TRPC6: variants seen among roughly 807,000 people sequenced by gnomAD.
TRPC6 encodes the protein short transient receptor potential channel 6.
Under a neutral mutation model 90.7 loss-of-function variants are expected in TRPC6, and 55 were observed. That is an observed-to-expected ratio of 0.61 (90% CI 0.49 to 0.76). The LOEUF is 0.76. Ranked by LOEUF, TRPC6 falls within the 30% of genes least tolerant of loss-of-function variation. The probability of loss-of-function intolerance (pLI) is 0.00; values close to 1 mark genes in which losing one functional copy is unlikely to be tolerated. For synonymous variants in TRPC6, 393 were observed against 393.0 expected (o/e 1.00, Z 0.00); for missense variants, 989 against 1,122.7 (o/e 0.88, Z 1.70).
chr11:101,525,353 G>C (rs759052562), intron 1 of TRPC6, among the ~76,000 whole-genome samples: 1 of 152,186 alleles, frequency 6.6e-6, no homozygotes. Context: ...TACCAACTGT[G>C]TGGTTTTATT....
rs1861605939 is a variant in TRPC6 at position 101,558,196 on chromosome 11, T to C, written c.170+25138A>G. Among the ~76,000 whole-genome samples the C allele has an allele frequency of 1.7e-5, 2 of 119,578 alleles. 1 individual carries two copies. Among genetic ancestry groups the C allele is most frequent in the Non-Finnish European group, 3.3e-5 (2 of 60,266 alleles). The allele number at this position is 119,578 out of a possible 152,430, so 78.4% of individuals were successfully genotyped here. A position where few individuals can be genotyped will look rare whatever the true frequency, so the allele number is the denominator to read the frequency against. On this transcript the variant is annotated intron_variant, in intron 1 of 12. Coordinates refer to ENST00000344327, the MANE Select transcript of TRPC6 (RefSeq NM_004621.6). ...ACAAATATATATAAACATACATATA[T>C]ATGTGTGTGTATACATGTATATATG... is the stretch of plus-strand genomic sequence containing the variant.
intron 1 of TRPC6, among the ~76,000 whole-genome samples, chr11:101,562,812 T>C (rs909508833): frequency 2.0e-5 from 3 of 152,194 alleles, no homozygotes; most frequent in African/African-American, 7.2e-5. Context: ...GCTCTCCGAA[T>C]TACCTACGTG....
At position 101,583,494 on chromosome 11, in the gene TRPC6, T is replaced by C; in HGVS notation, c.10A>G (p.Ser4Gly). Residue 4 changes from serine (S) to glycine (G), a missense_variant, in exon 1 of 13, where the codon AGC becomes GGC. Ser to Gly is a moderately conservative substitution (Grantham distance 56). Coordinates refer to ENST00000344327, the MANE Select transcript of TRPC6 (RefSeq NM_004621.6). The part of the protein sequence containing the change: MSQ[S>G]PAFGPRRGSS... Reference sequence around the variant, plus strand: ...CCCCTCCGGGGCCCGAACGCCGGGCTCTGGCTCATGGCGGGAACGCCCGAC... The same window carrying C: ...CCCCTCCGGGGCCCGAACGCCGGGCCCTGGCTCATGGCGGGAACGCCCGAC... 6.7e-7 allele frequency: 1 copy of C among 1,495,008 alleles called. No individual in the cohort carries two copies. The highest frequency in any genetic ancestry group is 8.9e-7 in the Non-Finnish European group (1 of 1,121,698). The allele number at this position is 1,495,008 out of a possible 1,614,324, so 92.6% of individuals were successfully genotyped here.
intron 1 of TRPC6, among the ~76,000 whole-genome samples, chr11:101,538,578 G>T (rs1861104731): frequency 6.6e-6 from 1 of 152,126 alleles, no homozygotes; most frequent in Non-Finnish European, 1.5e-5. Flanking sequence ...TGTAATTAAG[G>T]TTATAGACTA....
intron 1 of TRPC6, among the ~76,000 whole-genome samples, chr11:101,529,093 A>C (rs1345399572): frequency 6.6e-6 from 1 of 152,166 alleles, no homozygotes; most frequent in Non-Finnish European, 1.5e-5. Flanking sequence ...ACATACTTTA[A>C]ATAAAGACTT....
intron 1 of TRPC6, among the ~76,000 whole-genome samples, chr11:101,569,664 C>A (rs1226141412): frequency 1.3e-5 from 2 of 152,044 alleles, no homozygotes; most frequent in Non-Finnish European, 2.9e-5. Flanking sequence ...TCATAACAAA[C>A]AAGTCTCTCA....
chr11:101,452,624 T>TTA lies in TRPC6; in HGVS notation c.*330_*331insTA, dbSNP rs2136634199. On this transcript the variant is annotated 3_prime_UTR_variant, in exon 13 of 13. Transcript: ENST00000344327. ...AAAACCGCATGGGGAGTAACGTGGG[T>TTA]CAGCCCCTGTCCGCTGGGACCCATT... is the stretch of plus-strand genomic sequence containing the variant. The TTA allele has an allele frequency of 3.7e-6, 1 of 272,966 alleles. No homozygotes were observed. Among genetic ancestry groups the TTA allele is most frequent in the Admixed American group, 4.9e-5 (1 of 20,604 alleles). 16.9% of individuals were successfully genotyped at this position (272,966 alleles called of 1,614,324 possible). A position where few individuals can be genotyped will look rare whatever the true frequency, so the allele number is the denominator to read the frequency against.
chr11:101,483,202 G>T (rs1461219762), intron 4 of TRPC6, 37 bp from the exon 5 acceptor site: 1 of 1,609,632 alleles, frequency 6.2e-7, no homozygotes, highest in East Asian at 2.2e-5. Context: ...TCTTAACTTT[G>T]TTTTGTACAC....
At chr11:101,582,464 C>T (rs919748598) in intron 1 of TRPC6, among the ~76,000 whole-genome samples, 1 of 152,138 alleles carries the variant, frequency 6.6e-6, no homozygotes, top group Non-Finnish European at 1.5e-5. Flanking sequence ...TGCTATCTGC[C>T]CGCTGCACAT....
At chr11:101,546,655 A>G (rs548110471) in intron 1 of TRPC6, among the ~76,000 whole-genome samples, 2 of 152,296 alleles carry the variant, frequency 1.3e-5, no homozygotes, top group African/African-American at 4.8e-5. Flanking sequence ...AGTTTTAAAC[A>G]TGATGTATAT....
At chr11:101,520,139 G>A (rs994613549) in intron 1 of TRPC6, among the ~76,000 whole-genome samples, 2 of 152,004 alleles carry the variant, frequency 1.3e-5, no homozygotes, top group Admixed American at 1.3e-4. Context: ...AAGGGGCCTG[G>A]TGGGAGGTGA....
At position 101,456,989 on chromosome 11, in the gene TRPC6, T is replaced by A. The variant is rs191136915; in HGVS notation, c.2485-1888A>T. Among the ~76,000 whole-genome samples the A allele has an allele frequency of 1.6e-3, 249 of 152,298 alleles. 4 individuals are homozygous for A. The highest frequency in any genetic ancestry group is 7.7e-4 in the East Asian group (4 of 5,188). On this transcript the variant is annotated intron_variant, in intron 10 of 12. Transcript: ENST00000344327. The stretch of plus-strand genomic sequence containing the variant: ...ATCCAATGGTGCAAGGAAGTATTAT[T>A]ACCACTTGGTGGCAGAAAATCCTAA...
At chr11:101,533,537 G>A (rs570527040) in intron 1 of TRPC6, among the ~76,000 whole-genome samples, 47 of 152,190 alleles carry the variant, frequency 3.1e-4, no homozygotes, top group African/African-American at 9.9e-4. Flanking sequence ...AATTCAACAC[G>A]AGCTTTGGGC....
At position 101,583,538 on chromosome 11, in the gene TRPC6, C is replaced by A; in HGVS notation, c.-35G>T. ...GCCCGACTGGCCTGGGCCCCGCTCC[C>A]GGGGGAGCCGAGTGGGCAGTTCCAG... On this transcript the variant is annotated 5_prime_UTR_variant, in exon 1 of 13. Coordinates refer to ENST00000344327, the MANE Select transcript of TRPC6 (RefSeq NM_004621.6). 3 of 1,417,038 alleles carry A rather than the reference C, an allele frequency of 2.1e-6. No individual in the cohort carries two copies. The highest frequency in any genetic ancestry group is 2.7e-6 in the Non-Finnish European group (3 of 1,091,090). 87.8% of individuals were successfully genotyped at this position (1,417,038 alleles called of 1,614,324 possible).
chr11:101,560,091 T>C (rs999541199), intron 1 of TRPC6, among the ~76,000 whole-genome samples: 1 of 152,024 alleles, frequency 6.6e-6, no homozygotes, highest in Non-Finnish European at 1.5e-5. Flanking sequence ...ATCAACAGAG[T>C]TTTAGGTTTC....
chr11:101,576,874 T>C (rs986128389), intron 1 of TRPC6, among the ~76,000 whole-genome samples: 6 of 152,192 alleles, frequency 3.9e-5, no homozygotes, highest in Non-Finnish European at 7.3e-5. Context: ...TTTAAGCACA[T>C]CTGGCAATCA....
At chr11:101,572,948 G>A (rs1861996348) in intron 1 of TRPC6, among the ~76,000 whole-genome samples, 1 of 151,914 alleles carries the variant, frequency 6.6e-6, no homozygotes, top group South Asian at 2.1e-4. Flanking sequence ...CATGGCATGT[G>A]TATACCTATG....
chr11:101,453,299 G>A (rs570962963), intron 12 of TRPC6, among the ~76,000 whole-genome samples, 193 bp from the exon 13 acceptor site: 23 of 152,234 alleles, frequency 1.5e-4, no homozygotes, highest in Admixed American at 1.2e-3. Flanking sequence ...AGAGATTATA[G>A]CAGAATGATA....
rs143334593 is a variant in TRPC6 at position 101,452,794 on chromosome 11, C to CA, written c.*160dup. The CA allele has an allele frequency of 1.6e-5, 12 of 765,872 alleles. No homozygotes were observed. Among genetic ancestry groups the CA allele is most frequent in the Admixed American group, 8.1e-5 (3 of 37,146 alleles). 47.4% of individuals were successfully genotyped at this position (765,872 alleles called of 1,614,324 possible). ...ACCCTGAACAATGGAGTTTAATCAC[C>CA]AAAAAAATTAGATACTAGGGCTCCA... On this transcript the variant is annotated 3_prime_UTR_variant, in exon 13 of 13. Coordinates refer to ENST00000344327, the MANE Select transcript of TRPC6 (RefSeq NM_004621.6).
Sources: gnomAD v4.1 joint callset for allele counts (sites outside exome capture counted in the v4.1 genomes callset) on GRCh38, gnomAD v4.1.1 for gene constraint, MANE v1.5 for transcripts, NCBI Gene and HGNC (gene_info 2026-07-23, HGNC 2026-07-21) for gene names.